Variants in RIT2 observed in about 807,000 individuals in gnomAD.
RIT2 encodes Ras like without CAAX 2.
Under a neutral mutation model 23.7 loss-of-function variants are expected in RIT2, and 24 were observed. The observed-to-expected ratio is 1.01, with a 90% CI of 0.73 to 1.43. RIT2 has a LOEUF of 1.43. Among genes scored for constraint, RIT2 ranks in the 40% most tolerant of loss-of-function variants. The pLI is 0.00. For missense variants in RIT2, 236 were observed against 266.9 expected (o/e 0.88, Z 0.81); for synonymous variants, 107 against 91.1 (o/e 1.17, Z -0.99).
In RIT2 at chr18:43,050,653, G is replaced by T. The variant is rs552801199; in HGVS notation, c.104-16786C>A. Among the ~76,000 whole-genome samples the T allele has an allele frequency of 8.7e-4, 132 of 152,178 alleles. 1 individual carries two copies. In the South Asian group the frequency reaches 0.026, roughly 30 times the overall value. On this transcript the variant is annotated intron_variant, in intron 1 of 4. Coordinates refer to ENST00000326695, the MANE Select transcript of RIT2 (RefSeq NM_002930.4). ...CCTTCTGTCCTCCATCTGCCCCAAAGCAGGACTCTAATCATTCCTGCCTTT... is the reference window on the plus strand; with the variant it reads ...CCTTCTGTCCTCCATCTGCCCCAAATCAGGACTCTAATCATTCCTGCCTTT...
chr18:42,777,937 G>A (rs1913712644), intron 4 of RIT2, among the ~76,000 whole-genome samples: 1 of 152,142 alleles, frequency 6.6e-6, no homozygotes, highest in Non-Finnish European at 1.5e-5. Flanking sequence ...TCATCAATAA[G>A]TAAAGAACAC....
chr18:42,768,925 A>T (rs1913486360), intron 4 of RIT2, among the ~76,000 whole-genome samples: 1 of 151,872 alleles, frequency 6.6e-6, no homozygotes, highest in Non-Finnish European at 1.5e-5. Context: ...AATAGTTTTT[A>T]TGGAGTTGAC....
chr18:42,781,408 C>A (rs1913808510), intron 4 of RIT2, among the ~76,000 whole-genome samples: 1 of 152,116 alleles, frequency 6.6e-6, no homozygotes. Flanking sequence ...TTGGTGCTTT[C>A]TCTCAACTGA....
At chr18:43,099,345 T>C (rs985183359) in intron 1 of RIT2, among the ~76,000 whole-genome samples, 1 of 151,696 alleles carries the variant, frequency 6.6e-6, no homozygotes, top group Non-Finnish European at 1.5e-5. Context: ...CAAGTTTTTA[T>C]TTACTCCCCT....
At chr18:42,959,651 G>T (rs983326919) in intron 3 of RIT2, among the ~76,000 whole-genome samples, 4 of 152,176 alleles carry the variant, frequency 2.6e-5, no homozygotes, top group South Asian at 4.1e-4. Context: ...TCATTTGTCA[G>T]ATTTAAGCCA....
At chr18:43,059,538 A>G (rs1264350309) in intron 1 of RIT2, among the ~76,000 whole-genome samples, 1 of 152,164 alleles carries the variant, frequency 6.6e-6, no homozygotes, top group African/African-American at 2.4e-5. Context: ...CAGAATGAAG[A>G]GTTCACTTAT....
At chr18:43,005,991 ACTATTT>A (rs1328143783) in intron 2 of RIT2, among the ~76,000 whole-genome samples, 2 of 151,710 alleles carry the variant, frequency 1.3e-5, no homozygotes, top group Non-Finnish European at 2.9e-5. Flanking sequence ...TGCTTCCGAA[ACTATTT>A]AATTAAAGTC....
rs1361275082 is a variant in RIT2 at position 42,838,384 on chromosome 18, T to C, written c.426+85188A>G. ...ATGATGGACTGGAATCCTGATGGAT[T>C]TTTAAAATAACTTCTAGAAGTTCTT... is the stretch of plus-strand genomic sequence containing the variant. On this transcript the variant is annotated intron_variant, in intron 4 of 4. Coordinates refer to ENST00000326695, the MANE Select transcript of RIT2 (RefSeq NM_002930.4). Among the ~76,000 whole-genome samples, 3 of 152,140 alleles carry C rather than the reference T, an allele frequency of 2.0e-5. No homozygotes were observed. In the East Asian group the frequency reaches 5.8e-4, roughly 29 times the overall value.
Position 42,913,284 on chromosome 18 carries a change from A to T in RIT2, c.426+10288T>A, listed in dbSNP as rs114042306. Among the ~76,000 whole-genome samples, 1,434 of 151,966 alleles carry T rather than the reference A, an allele frequency of 9.4e-3. 17 individuals carry two copies. Among genetic ancestry groups the T allele is most frequent in the African/African-American group, 0.033 (1,357 of 41,536 alleles). On this transcript the variant is annotated intron_variant, in intron 4 of 4. Transcript: ENST00000326695. ...GAAACAAAATGATAGAATTTTTAGA[A>T]AAGAACATAAAAGAAACTCATGGGT...
chr18:42,931,349 A>G (rs898670637), intron 3 of RIT2, among the ~76,000 whole-genome samples: 2 of 152,172 alleles, frequency 1.3e-5, no homozygotes, highest in Admixed American at 1.3e-4. Context: ...TCATTCCTGT[A>G]CATGTAAAGC....
Position 43,005,019 on chromosome 18 carries a change from T to C in RIT2, c.160+28792A>G, listed in dbSNP as rs183602053. ...TTTTTGTGTAACCTCTAAGACTTCCTAGCTATGGGCCCTTTAAACAAATCA... is the reference window on the plus strand; with the variant it reads ...TTTTTGTGTAACCTCTAAGACTTCCCAGCTATGGGCCCTTTAAACAAATCA... On this transcript the variant is annotated intron_variant, in intron 2 of 4. Coordinates refer to ENST00000326695, the MANE Select transcript of RIT2 (RefSeq NM_002930.4). Among the ~76,000 whole-genome samples the C allele has an allele frequency of 9.2e-5, 14 of 151,916 alleles. No homozygotes were observed. The East Asian group carries it at 2.7e-3, about 30-fold the overall frequency.
intron 4 of RIT2, among the ~76,000 whole-genome samples, chr18:42,761,827 A>G (rs951284929): frequency 3.9e-4 from 59 of 152,144 alleles, no homozygotes; most frequent in African/African-American, 1.4e-3. Flanking sequence ...ACAGGAATGC[A>G]CCTTCTTGCC....
At chr18:42,762,973 T>C (rs1913336921) in intron 4 of RIT2, among the ~76,000 whole-genome samples, 1 of 152,224 alleles carries the variant, frequency 6.6e-6, no homozygotes, top group Admixed American at 6.5e-5. Context: ...TTCATCATTG[T>C]GCAAACATCA....
chr18:43,011,518 T>C (rs1297145600), intron 2 of RIT2, among the ~76,000 whole-genome samples: 2 of 151,924 alleles, frequency 1.3e-5, no homozygotes, highest in Non-Finnish European at 2.9e-5. Flanking sequence ...TAAAGAAAAG[T>C]TTGGTACAGA....
chr18:42,930,404 A>T (rs893092234), intron 3 of RIT2, among the ~76,000 whole-genome samples: 1 of 152,154 alleles, frequency 6.6e-6, no homozygotes, highest in African/African-American at 2.4e-5. Context: ...GAATTATGAA[A>T]AAAGGACATG....
chr18:42,790,083 T>G (rs189659459), intron 4 of RIT2, among the ~76,000 whole-genome samples: 4 of 152,350 alleles, frequency 2.6e-5, no homozygotes, highest in Admixed American at 2.6e-4. Context: ...GAGATGATCA[T>G]ATCATTTTTG....
chr18:43,083,765 T>G (rs1913214700), intron 1 of RIT2, among the ~76,000 whole-genome samples: 2 of 152,042 alleles, frequency 1.3e-5, no homozygotes, highest in South Asian at 4.1e-4. Context: ...ATATAAAACC[T>G]AAAACCATAA....
At chr18:42,799,031 T>C (rs1352987863) in intron 4 of RIT2, among the ~76,000 whole-genome samples, 1 of 152,216 alleles carries the variant, frequency 6.6e-6, no homozygotes, top group South Asian at 2.1e-4. Context: ...TAATTACTTG[T>C]TATCCTCAAC....
At chr18:42,920,738 C>T (rs768130117) in intron 4 of RIT2, 1 of 1,595,888 alleles carries the variant, frequency 6.3e-7, no homozygotes, top group South Asian at 1.1e-5. Flanking sequence ...GAATTCTTCC[C>T]TTCCAAACTC....
Sources: allele counts gnomAD v4.1 joint callset (sites outside exome capture counted in the v4.1 genomes callset), GRCh38; gene constraint gnomAD v4.1.1; transcripts MANE v1.5; gene names NCBI Gene and HGNC (gene_info 2026-07-23, HGNC 2026-07-21).